The following HS3ST4 variants were observed in gnomAD, a reference collection of about 807,000 sequenced individuals.
The protein encoded by HS3ST4 is heparan sulfate glucosamine 3-O-sulfotransferase 4.
Under a neutral mutation model 29.2 loss-of-function variants are expected in HS3ST4, and 17 were observed. That is an observed-to-expected ratio of 0.58 (90% CI 0.40 to 0.87). The LOEUF (loss-of-function observed/expected upper bound fraction) is 0.87, where lower values mean the gene tolerates loss of function less well. HS3ST4 is among the 40% of genes least tolerant of loss of function. The probability of loss-of-function intolerance (pLI) is 0.00; values close to 1 mark genes in which losing one functional copy is unlikely to be tolerated. For missense variants in HS3ST4, 627 were observed against 634.5 expected (o/e 0.99, Z 0.13); for synonymous variants, 314 against 285.7 (o/e 1.10, Z -1.00).
At chr16:25,956,016 A>G (rs1406419410) in intron 1 of HS3ST4, among the ~76,000 whole-genome samples, 1 of 151,942 alleles carries the variant, frequency 6.6e-6, no homozygotes, top group Non-Finnish European at 1.5e-5. Flanking sequence ...GGGTTTCACT[A>G]TATAGGTCAA....
At chr16:25,734,085 C>G (rs928757072) in intron 1 of HS3ST4, among the ~76,000 whole-genome samples, 3 of 152,184 alleles carry the variant, frequency 2.0e-5, no homozygotes, top group Non-Finnish European at 4.4e-5. Flanking sequence ...CCATTGCACT[C>G]CAGCCTGGGT....
intron 1 of HS3ST4, among the ~76,000 whole-genome samples, chr16:26,077,672 C>A (rs1035546651): frequency 1.3e-5 from 2 of 152,170 alleles, no homozygotes; most frequent in Non-Finnish European, 2.9e-5. Flanking sequence ...ATCCTGGGGA[C>A]CCAGTGAGTA....
chr16:25,830,565 A>G (rs748594207), intron 1 of HS3ST4, among the ~76,000 whole-genome samples: 1 of 152,222 alleles, frequency 6.6e-6, no homozygotes, highest in Non-Finnish European at 1.5e-5. Context: ...AGATGTCGCC[A>G]GTGTCCCCAG....
At chr16:25,939,097 G>T (rs112979335) in intron 1 of HS3ST4, among the ~76,000 whole-genome samples, 1,965 of 152,060 alleles carry the variant, frequency 0.013, 40 homozygotes, top group African/African-American at 0.045. Flanking sequence ...TGTTTGGCTG[G>T]TAGTTCCTGC....
At chr16:25,845,029 A>T (rs1967450629) in intron 1 of HS3ST4, among the ~76,000 whole-genome samples, 1 of 152,008 alleles carries the variant, frequency 6.6e-6, no homozygotes, top group Non-Finnish European at 1.5e-5. Flanking sequence ...GGGGAACATC[A>T]TACACTGAGG....
At position 26,133,430 on chromosome 16, in the gene HS3ST4, G is replaced by C. The variant is rs192691990; in HGVS notation, c.735-2182G>C. Among the ~76,000 whole-genome samples the C allele has an allele frequency of 5.7e-4, 87 of 152,280 alleles. 1 individual carries two copies. The Middle Eastern group carries it at 0.01, about 18-fold the overall frequency. ...CCCAGGGGCTGCATTCCTTAGCCCT[G>C]TTCCTCCAAATTAGACAAATTGATC... On this transcript the variant is annotated intron_variant, in intron 1 of 1. Transcript: ENST00000331351.
At chr16:25,790,964 A>C (rs1966867992) in intron 1 of HS3ST4, among the ~76,000 whole-genome samples, 1 of 152,140 alleles carries the variant, frequency 6.6e-6, no homozygotes, top group Non-Finnish European at 1.5e-5. Context: ...AAAAATTAAG[A>C]CTTTATCTCA....
intron 1 of HS3ST4, among the ~76,000 whole-genome samples, chr16:25,736,933 C>G (rs1469724401): frequency 1.3e-5 from 2 of 152,104 alleles, no homozygotes; most frequent in African/African-American, 2.4e-5. Context: ...ACTGCAACCT[C>G]CACTTCCTGG....
At chr16:25,795,898 T>C (rs926821778) in intron 1 of HS3ST4, among the ~76,000 whole-genome samples, 3 of 152,184 alleles carry the variant, frequency 2.0e-5, no homozygotes, top group Non-Finnish European at 4.4e-5. Flanking sequence ...TGGCGGGTAT[T>C]TCCATCTAAT....
chr16:25,889,623 G>C (rs770967706), intron 1 of HS3ST4, among the ~76,000 whole-genome samples: 1 of 152,120 alleles, frequency 6.6e-6, no homozygotes, highest in South Asian at 2.1e-4. Context: ...GTGAGATTCT[G>C]CTTATGTCTG....
intron 1 of HS3ST4, among the ~76,000 whole-genome samples, chr16:25,848,439 C>T (rs945634525): frequency 6.8e-6 from 1 of 146,292 alleles, no homozygotes; most frequent in Non-Finnish European, 1.5e-5. Flanking sequence ...TGTGCCCAGC[C>T]TAATTTTAAA....
At chr16:26,115,266 T>TATATGTATATATATATACACAC (rs1567315542) in intron 1 of HS3ST4, among the ~76,000 whole-genome samples, 1 of 148,486 alleles carries the variant, frequency 6.7e-6, no homozygotes, top group African/African-American at 2.5e-5. Flanking sequence ...TACATATATA[T>TATATGTATATATATATACACAC]ACACACACAC....
intron 1 of HS3ST4, among the ~76,000 whole-genome samples, chr16:26,063,652 C>T (rs1036197897): frequency 6.6e-6 from 1 of 151,972 alleles, no homozygotes; most frequent in African/African-American, 2.4e-5. Context: ...GCTATGATTG[C>T]ACCACTGCAC....
At chr16:26,059,607 C>T (rs910932942) in intron 1 of HS3ST4, among the ~76,000 whole-genome samples, 6 of 152,128 alleles carry the variant, frequency 3.9e-5, no homozygotes, top group Non-Finnish European at 8.8e-5. Context: ...CTCCATCCTC[C>T]TCTGACCGTG....
intron 1 of HS3ST4, among the ~76,000 whole-genome samples, chr16:26,013,769 G>C (rs956346565): frequency 9.2e-5 from 14 of 152,098 alleles, no homozygotes; most frequent in African/African-American, 3.4e-4. Flanking sequence ...CAGCACTGTG[G>C]GAGGCTAAGG....
intron 1 of HS3ST4, among the ~76,000 whole-genome samples, chr16:25,862,177 ATT>A (rs1967644849): frequency 1.9e-5 from 1 of 52,790 alleles, no homozygotes; most frequent in Non-Finnish European, 4.2e-5. Flanking sequence ...TTATTTATTT[ATT>A]TATTTATTTA....
At chr16:26,012,191 C>T (rs1969317099) in intron 1 of HS3ST4, among the ~76,000 whole-genome samples, 1 of 152,162 alleles carries the variant, frequency 6.6e-6, no homozygotes, top group Non-Finnish European at 1.5e-5. Flanking sequence ...AACAAGGAAA[C>T]AGTGATCCAT....
chr16:25,959,594 C>T (rs1054528244), intron 1 of HS3ST4, among the ~76,000 whole-genome samples: 2 of 152,146 alleles, frequency 1.3e-5, no homozygotes, highest in Non-Finnish European at 2.9e-5. Flanking sequence ...GAAAAAGGGG[C>T]AATTTTTGTT....
intron 1 of HS3ST4, among the ~76,000 whole-genome samples, chr16:25,877,346 G>A (rs1967842885): frequency 6.6e-6 from 1 of 152,128 alleles, no homozygotes; most frequent in Admixed American, 6.6e-5. Flanking sequence ...GTGTACTTAT[G>A]AGGAAAGGGA....
Sources: allele counts gnomAD v4.1 joint callset (sites outside exome capture counted in the v4.1 genomes callset), GRCh38; gene constraint gnomAD v4.1.1; transcripts MANE v1.5; gene names NCBI Gene and HGNC (gene_info 2026-07-23, HGNC 2026-07-21).